Variants in NT5DC3 observed in about 807,000 individuals in gnomAD.
NT5DC3 encodes 5'-nucleotidase domain containing 3.
In NT5DC3, 42 loss-of-function variants were observed where a neutral mutation model predicts 67.8. The ratio of observed to expected loss-of-function variants is 0.62; its 90% CI spans 0.48 to 0.80. The LOEUF (loss-of-function observed/expected upper bound fraction) is 0.80, where lower values mean the gene tolerates loss of function less well. NT5DC3 is among the 30% of genes least tolerant of loss of function. The probability of loss-of-function intolerance (pLI) is 0.00; values close to 1 mark genes in which losing one functional copy is unlikely to be tolerated. For missense variants in NT5DC3, 570 were observed against 696.4 expected (o/e 0.82, Z 2.04); for synonymous variants, 237 against 255.6 (o/e 0.93, Z 0.69).
At position 103,777,457 on chromosome 12, in the gene NT5DC3, A is replaced by C; in HGVS notation, c.*372T>G. ...TGCAGTTCCCAATGCATAGCCCGTA[A>C]ATGTTCAGGAAATGTTCCATGGAGG... On this transcript the variant is annotated 3_prime_UTR_variant, in exon 14 of 14. Coordinates refer to ENST00000392876, the MANE Select transcript of NT5DC3 (RefSeq NM_001031701.3). The C allele has an allele frequency of 4.8e-6, 1 of 210,496 alleles. No homozygotes were observed. The highest frequency in any genetic ancestry group is 9.6e-6 in the Non-Finnish European group (1 of 104,480). The allele number at this position is 210,496 out of a possible 1,614,324, so 13.0% of individuals were successfully genotyped here.
the NT5DC3 span, among the ~76,000 whole-genome samples, chr12:103,757,117 CTTG>C: frequency 6.6e-6 from 1 of 150,528 alleles, no homozygotes; most frequent in African/African-American, 2.4e-5. Flanking sequence ...TTAAGAGAGT[CTTG>C]TTGTGTTGCC....
At chr12:103,831,844 C>T (rs1351613035) in intron 1 of NT5DC3, among the ~76,000 whole-genome samples, 1 of 145,754 alleles carries the variant, frequency 6.9e-6, no homozygotes, top group Non-Finnish European at 1.5e-5. Flanking sequence ...GGTGTGATCT[C>T]GGCTCACTGC....
intron 4 of NT5DC3, among the ~76,000 whole-genome samples, chr12:103,804,340 G>GTA (rs796655499): frequency 7.2e-5 from 11 of 152,116 alleles, no homozygotes; most frequent in African/African-American, 2.2e-4. Context: ...CCTGCAAGGG[G>GTA]TATACCCATG....
intron 10 of NT5DC3, among the ~76,000 whole-genome samples, chr12:103,788,211 T>G (rs967503710): frequency 2.6e-5 from 4 of 152,094 alleles, no homozygotes; most frequent in African/African-American, 9.7e-5. Context: ...GAGGCCAAGG[T>G]GGGAGGACTG....
the NT5DC3 span, among the ~76,000 whole-genome samples, chr12:103,758,752 A>G: frequency 4.6e-5 from 7 of 152,240 alleles, no homozygotes; most frequent in Admixed American, 4.6e-4. Context: ...GTTCCACACC[A>G]ACCTTCTTCA....
intron 10 of NT5DC3, 30 bp downstream of exon 10, chr12:103,788,808 A>G (rs1885908807): frequency 6.8e-7 from 1 of 1,464,132 alleles, no homozygotes; most frequent in African/African-American, 1.4e-5. Flanking sequence ...AAAGCAAAGC[A>G]ACAAAAAGGA....
downstream of NT5DC3, among the ~76,000 whole-genome samples, chr12:103,771,656 G>C (rs1885184822): frequency 6.6e-6 from 1 of 152,168 alleles, no homozygotes; most frequent in Admixed American, 6.5e-5. Context: ...ATCACCACTG[G>C]GGACGGAGGG....
the NT5DC3 span, chr12:103,755,269 A>G: frequency 1.2e-6 from 2 of 1,606,978 alleles, no homozygotes; most frequent in East Asian, 4.5e-5. Flanking sequence ...ATGAACTTGC[A>G]GCTGACCCAT....
At chr12:103,815,435 G>A (rs1367239612) in intron 1 of NT5DC3, among the ~76,000 whole-genome samples, 1 of 152,056 alleles carries the variant, frequency 6.6e-6, no homozygotes, top group Non-Finnish European at 1.5e-5. Context: ...TGGTTTTGGG[G>A]GATTGAGATA....
rs1376693474 is a variant in NT5DC3, at chr12:103,773,724, T to A, written c.*4105A>T. ...GGCAGCAAATGAGCAGGCAGAAAAG[T>A]GGAATTCAGTTCCAGTATTTAGCCC... is the stretch of plus-strand genomic sequence containing the variant. On this transcript the variant is annotated 3_prime_UTR_variant, in exon 14 of 14. Coordinates refer to ENST00000392876, the MANE Select transcript of NT5DC3 (RefSeq NM_001031701.3). The A allele has an allele frequency of 6.6e-6, 1 of 152,260 alleles. No homozygotes were observed. The highest frequency in any genetic ancestry group is 1.5e-5 in the Non-Finnish European group (1 of 68,030). 9.4% of individuals were successfully genotyped at this position (152,260 alleles called of 1,614,324 possible).
At chr12:103,807,294 C>T (rs1354675889) in intron 2 of NT5DC3, among the ~76,000 whole-genome samples, 1 of 152,198 alleles carries the variant, frequency 6.6e-6, no homozygotes, top group Admixed American at 6.5e-5. Flanking sequence ...CCCATCACTC[C>T]CTCCTTTTAT....
downstream of NT5DC3, among the ~76,000 whole-genome samples, chr12:103,771,617 C>T (rs576181890): frequency 5.9e-5 from 9 of 152,176 alleles, no homozygotes; most frequent in Non-Finnish European, 1.0e-4. Flanking sequence ...CAAATTGTCC[C>T]CAGGGGGCAC....
the NT5DC3 span, chr12:103,758,355 G>A: frequency 2.5e-6 from 4 of 1,596,098 alleles, no homozygotes; most frequent in African/African-American, 2.7e-5. Flanking sequence ...ACAATGCTGT[G>A]TCACAAATTA....
In NT5DC3 at chr12:103,841,079, G is replaced by T; in HGVS notation, c.78C>A (p.Gly26=). The T allele has an allele frequency of 7.9e-7, 1 of 1,261,194 alleles. No individual in the cohort carries two copies. The highest frequency in any genetic ancestry group is 1.0e-6 in the Non-Finnish European group (1 of 1,000,460). The allele number at this position is 1,261,194 out of a possible 1,614,324, so 78.1% of individuals were successfully genotyped here. A position where few individuals can be genotyped will look rare whatever the true frequency, so the allele number is the denominator to read the frequency against. ...GCCGCCCCCGAGCCGCGGTCCCGCA[G>T]CCACCCCGCAAAGCCGCCGCTGTCG... ...RAATAAALRG[G]CGTAARGRPC... The change falls in exon 1 of 14, where the codon GGC becomes GGA. Residue 26 remains glycine (G), a synonymous_variant. Coordinates refer to ENST00000392876, the MANE Select transcript of NT5DC3 (RefSeq NM_001031701.3).
Position 103,831,425 on chromosome 12 carries a change from T to G in NT5DC3, c.208+9524A>C, listed in dbSNP as rs1887919246. Among the ~76,000 whole-genome samples, 3 of 152,166 alleles carry G rather than the reference T, an allele frequency of 2.0e-5. No individual in the cohort carries two copies. The South Asian group carries it at 6.2e-4, about 31-fold the overall frequency. On this transcript the variant is annotated intron_variant, in intron 1 of 13. Transcript: ENST00000392876. ...TTCAAAGCAATGTAAAAGAATGGAC[T>G]CATACAGATTGCCAGACAATACAAG...
intron 6 of NT5DC3, among the ~76,000 whole-genome samples, chr12:103,795,227 AC>A (rs1182829799): frequency 6.6e-6 from 1 of 152,148 alleles, no homozygotes; most frequent in East Asian, 1.9e-4. Context: ...ACTCAACCTC[AC>A]TGTGCCTCGA....
intron 1 of NT5DC3, among the ~76,000 whole-genome samples, chr12:103,836,410 G>C (rs1888150460): frequency 6.6e-6 from 1 of 152,092 alleles, no homozygotes. Context: ...ATTCCAAATG[G>C]GAGAAATTGG....
At chr12:103,752,001 G>C in the NT5DC3 span, among the ~76,000 whole-genome samples, 2 of 152,262 alleles carry the variant, frequency 1.3e-5, no homozygotes, top group Non-Finnish European at 2.9e-5. Flanking sequence ...GTTCATAGGA[G>C]GGCAAACTGC....
At chr12:103,789,332 G>C (rs760547297) in intron 9 of NT5DC3, among the ~76,000 whole-genome samples, 2 of 152,306 alleles carry the variant, frequency 1.3e-5, no homozygotes, top group Middle Eastern at 6.8e-3. Flanking sequence ...GCTGAGGCAG[G>C]AGAATCGCTT....
Sources: allele counts gnomAD v4.1 joint callset (sites outside exome capture counted in the v4.1 genomes callset), GRCh38; gene constraint gnomAD v4.1.1; transcripts MANE v1.5; gene names NCBI Gene and HGNC (gene_info 2026-07-23, HGNC 2026-07-21).